The following FHOD3 variants were observed in gnomAD, a reference collection of about 807,000 sequenced individuals.
FHOD3 encodes the protein FH1/FH2 domain-containing protein 3.
FHOD3 carries 90 observed loss-of-function variants against 173.0 expected under a neutral mutation model. That is an observed-to-expected ratio of 0.52 (90% CI 0.44 to 0.62). FHOD3 has a LOEUF of 0.62. Among genes scored for constraint, FHOD3 ranks in the 20% least tolerant of loss-of-function variants. The pLI is 0.00. For missense variants in FHOD3, 1,945 were observed against 2,034.7 expected (o/e 0.96, Z 0.85); for synonymous variants, 828 against 823.0 (o/e 1.01, Z -0.10).
At position 36,779,861 on chromosome 18, in the gene FHOD3, T is replaced by A. The variant is rs372336796; in HGVS notation, c.*331T>A. 507 of 445,878 alleles carry A rather than the reference T, an allele frequency of 1.1e-3. 8 individuals carry two copies. The South Asian group carries it at 0.032, about 28-fold the overall frequency. 27.6% of individuals were successfully genotyped at this position (445,878 alleles called of 1,614,324 possible). A position where few individuals can be genotyped will look rare whatever the true frequency, so the allele number is the denominator to read the frequency against. On this transcript the variant is annotated 3_prime_UTR_variant, in exon 29 of 29. Transcript: ENST00000590592. The stretch of plus-strand genomic sequence containing the variant: ...ATCACTTCTGTCACAGTTATTATGG[T>A]AATATGAGGCAATCTGATTAGCTTC...
chr18:36,298,935 A>G (rs1001207565), intron 1 of FHOD3, among the ~76,000 whole-genome samples: 2 of 152,168 alleles, frequency 1.3e-5, no homozygotes, highest in African/African-American at 4.8e-5. Flanking sequence ...TTACCTTCCC[A>G]GTATTTTTTC....
At chr18:36,455,209 C>A (rs539522025) in intron 3 of FHOD3, among the ~76,000 whole-genome samples, 1 of 152,312 alleles carries the variant, frequency 6.6e-6, no homozygotes, top group South Asian at 2.1e-4. Flanking sequence ...ACAGTAATTA[C>A]TCCATACCTT....
At chr18:36,416,334 G>A (rs2049647038) in intron 3 of FHOD3, among the ~76,000 whole-genome samples, 1 of 152,160 alleles carries the variant, frequency 6.6e-6, no homozygotes, top group Admixed American at 6.5e-5. Flanking sequence ...TGCCCACCCA[G>A]GTGTCATTTC....
At chr18:36,384,349 C>T (rs568564302) in intron 3 of FHOD3, among the ~76,000 whole-genome samples, 1 of 151,900 alleles carries the variant, frequency 6.6e-6, no homozygotes, top group South Asian at 2.1e-4. Flanking sequence ...TACTAAACTC[C>T]AGCCTGGGCG....
At chr18:36,329,865 G>C (rs1241513578) in intron 1 of FHOD3, among the ~76,000 whole-genome samples, 2 of 152,224 alleles carry the variant, frequency 1.3e-5, no homozygotes, top group African/African-American at 4.8e-5. Context: ...CCATCAACCT[G>C]AGACTTACAA....
At chr18:36,495,464 C>T (rs1478893418) in intron 3 of FHOD3, among the ~76,000 whole-genome samples, 5 of 152,192 alleles carry the variant, frequency 3.3e-5, no homozygotes, top group African/African-American at 1.2e-4. Context: ...AGAACCTCTG[C>T]GAACTCACGA....
At chr18:36,591,788 G>A (rs2059226572) in intron 6 of FHOD3, among the ~76,000 whole-genome samples, 1 of 151,998 alleles carries the variant, frequency 6.6e-6, no homozygotes. Flanking sequence ...ACCAGATGTG[G>A]TGGCATGTAC....
At chr18:36,513,192 AAAAC>A (rs1027561568) in intron 5 of FHOD3, among the ~76,000 whole-genome samples, 10 of 152,002 alleles carry the variant, frequency 6.6e-5, no homozygotes, top group South Asian at 2.1e-4. Flanking sequence ...AAAAAAAAAA[AAAAC>A]AAATAACAAA....
At chr18:36,317,492 T>G (rs111408469) in intron 1 of FHOD3, among the ~76,000 whole-genome samples, 387 of 152,382 alleles carry the variant, frequency 2.5e-3, no homozygotes, top group African/African-American at 8.8e-3. Context: ...TGAGCATTTT[T>G]TCATATGTCT....
chr18:36,388,056 A>G (rs549125498), intron 3 of FHOD3, among the ~76,000 whole-genome samples: 126 of 152,316 alleles, frequency 8.3e-4, no homozygotes, highest in African/African-American at 3.0e-3. Flanking sequence ...AACTCTCTAT[A>G]TAAACTTAAG....
At chr18:36,460,675 G>A (rs751259699) in intron 3 of FHOD3, among the ~76,000 whole-genome samples, 59 of 152,124 alleles carry the variant, frequency 3.9e-4, no homozygotes, top group Non-Finnish European at 7.3e-4. Flanking sequence ...GCTGCCATGG[G>A]GTCACTCAGT....
In FHOD3 at chr18:36,703,920, C is replaced by T. The variant is rs557993362; in HGVS notation, c.2237-5175C>T. ...GGTTCTCATGTTGATGGGTTCCCATCCTGGTTTCCCAAACCCCACTCACTC... is the reference window on the plus strand; with the variant it reads ...GGTTCTCATGTTGATGGGTTCCCATTCTGGTTTCCCAAACCCCACTCACTC... On this transcript the variant is annotated intron_variant, in intron 17 of 28. Transcript: ENST00000590592. Among the ~76,000 whole-genome samples the T allele has an allele frequency of 2.0e-5, 3 of 152,270 alleles. No individual in the cohort carries two copies. The South Asian group carries it at 6.2e-4, about 32-fold the overall frequency.
chr18:36,621,867 T>A (rs2033735566), intron 9 of FHOD3, among the ~76,000 whole-genome samples: 1 of 152,222 alleles, frequency 6.6e-6, no homozygotes, highest in Non-Finnish European at 1.5e-5. Context: ...GAAATCAGGA[T>A]TTTGGAGAAA....
chr18:36,590,150 A>T (rs2059164633), intron 6 of FHOD3, among the ~76,000 whole-genome samples: 1 of 152,108 alleles, frequency 6.6e-6, no homozygotes, highest in Non-Finnish European at 1.5e-5. Flanking sequence ...TTCTCAGCAG[A>T]CGTGGGCTGT....
At chr18:36,412,014 G>A (rs927656902) in intron 3 of FHOD3, among the ~76,000 whole-genome samples, 17 of 152,218 alleles carry the variant, frequency 1.1e-4, no homozygotes, top group African/African-American at 3.6e-4. Context: ...CCACTGGAGT[G>A]GTGAGTAGGA....
At chr18:36,588,121 T>C (rs1422351451) in intron 6 of FHOD3, among the ~76,000 whole-genome samples, 2 of 152,218 alleles carry the variant, frequency 1.3e-5, no homozygotes, top group Non-Finnish European at 2.9e-5. Context: ...CTATACTTTA[T>C]TTCTGGTAAT....
chr18:36,322,852 TTCAC>T, intron 1 of FHOD3, among the ~76,000 whole-genome samples: 1 of 152,300 alleles, frequency 6.6e-6, no homozygotes, highest in Middle Eastern at 3.4e-3. Flanking sequence ...CTGGCATTAA[TTCAC>T]TCACTCATTC....
chr18:36,318,278 T>C lies in FHOD3; in HGVS notation c.165+20278T>C, dbSNP rs1453934370. On this transcript the variant is annotated intron_variant, in intron 1 of 28. Transcript: ENST00000590592. ...TTCTGTGAAGAAAGTCCTTGGTAGC[T>C]TGATGGGGATGGCACTGAATCTATA... is the stretch of plus-strand genomic sequence containing the variant. Among the ~76,000 whole-genome samples the C allele has an allele frequency of 2.6e-5, 4 of 152,352 alleles. No homozygotes were observed. In the East Asian group the frequency reaches 7.7e-4, roughly 29 times the overall value.
intron 19 of FHOD3, among the ~76,000 whole-genome samples, chr18:36,723,940 T>C (rs1462586603): frequency 6.6e-6 from 1 of 152,256 alleles, no homozygotes; most frequent in Non-Finnish European, 1.5e-5. Flanking sequence ...ATCCTCACTC[T>C]TCTTTTTCCA....
Sources: gnomAD v4.1 joint callset for allele counts (sites outside exome capture counted in the v4.1 genomes callset) on GRCh38, gnomAD v4.1.1 for gene constraint, MANE v1.5 for transcripts, NCBI Gene and HGNC (gene_info 2026-07-23, HGNC 2026-07-21) for gene names.